The following MCM10 variants were observed in gnomAD, a reference collection of about 807,000 sequenced individuals.
MCM10 encodes protein MCM10 homolog.
Under a neutral mutation model 109.9 loss-of-function variants are expected in MCM10, and 91 were observed. That is an observed-to-expected ratio of 0.83 (90% CI 0.70 to 0.99). The LOEUF is 0.99. MCM10 is among the 50% of genes least tolerant of loss of function. The pLI, the probability that MCM10 is intolerant of heterozygous loss-of-function variation, is 0.00. For missense variants in MCM10, 1,077 were observed against 1,061.2 expected (o/e 1.01, Z -0.21); for synonymous variants, 380 against 387.2 (o/e 0.98, Z 0.22).
At chr10:13,175,939 G>A (rs1834136632) in intron 6 of MCM10, among the ~76,000 whole-genome samples, 1 of 152,182 alleles carries the variant, frequency 6.6e-6, no homozygotes, top group Admixed American at 6.5e-5. Flanking sequence ...ATGGACAAAT[G>A]ATAGTATATT....
chr10:13,203,143 C>T (rs3781079), intron 17 of MCM10, among the ~76,000 whole-genome samples: 3,864 of 152,254 alleles, frequency 0.025, 134 homozygotes, highest in African/African-American at 0.075. Flanking sequence ...CCATGCCTGG[C>T]CTCACAGTGT....
chr10:13,181,619 C>A (rs530051560), intron 7 of MCM10, among the ~76,000 whole-genome samples: 1 of 152,246 alleles, frequency 6.6e-6, no homozygotes, highest in Non-Finnish European at 1.5e-5. Flanking sequence ...AGCAAACCAT[C>A]ATGACACACG....
intron 2 of MCM10, among the ~76,000 whole-genome samples, chr10:13,170,413 A>G (rs1480473444): frequency 2.6e-5 from 4 of 152,078 alleles, no homozygotes; most frequent in Non-Finnish European, 5.9e-5. Flanking sequence ...AATTATATAC[A>G]TCTAAAGCCT....
intron 17 of MCM10, 95 bp downstream of exon 17, chr10:13,201,629 A>T: frequency 1.1e-6 from 1 of 889,292 alleles, no homozygotes; most frequent in South Asian, 1.5e-5. Flanking sequence ...CTGGGGCCCT[A>T]TCTCGTGATG....
intron 17 of MCM10, among the ~76,000 whole-genome samples, chr10:13,203,217 C>G (rs557831515): frequency 5.2e-4 from 79 of 152,200 alleles, no homozygotes; most frequent in African/African-American, 1.8e-3. Context: ...TAGCCAGGGC[C>G]AGGTTTCCTG....
intron 13 of MCM10, among the ~76,000 whole-genome samples, chr10:13,193,108 A>C (rs1834371071): frequency 6.6e-6 from 1 of 152,016 alleles, no homozygotes; most frequent in African/African-American, 2.4e-5. Flanking sequence ...GCTGGTCTCA[A>C]ATTCCTGGAC....
At chr10:13,183,649 T>C (rs1405823553) in intron 8 of MCM10, among the ~76,000 whole-genome samples, 1 of 152,064 alleles carries the variant, frequency 6.6e-6, no homozygotes, top group Non-Finnish European at 1.5e-5. Context: ...GTTCCTGGAG[T>C]TTTTGAACTA....
At chr10:13,183,217 G>T (rs1834232514) in intron 8 of MCM10, 117 bp downstream of exon 8, 2 of 1,182,094 alleles carry the variant, frequency 1.7e-6, no homozygotes, top group African/African-American at 3.0e-5. Flanking sequence ...ACACTTTGGG[G>T]AGGCCAAAGC....
intron 8 of MCM10, among the ~76,000 whole-genome samples, chr10:13,185,782 A>G (rs1834267108): frequency 6.6e-6 from 1 of 152,128 alleles, no homozygotes. Flanking sequence ...CTCCTTTTTG[A>G]GACGGCCTCA....
At position 13,172,734 on chromosome 10, in the gene MCM10, G is replaced by A; in HGVS notation, c.561G>A (p.Arg187=). The change falls in exon 5 of 20, where the codon AGG becomes AGA. Residue 187 remains arginine (R), a synonymous_variant. Coordinates refer to ENST00000378714, the MANE Select transcript of MCM10 (RefSeq NM_018518.5). This position sits in a 1 kb window ranked among gnomAD's most constrained non-coding sequence, Gnocchi z 5.2. The part of the protein sequence containing the change: ...LDVPALPRTK[R]VARTPKASPP... ...TCCCTGCGCTACCAAGAACCAAGAG[G>A]GTGGCTCGAACACCAAAGGCTTCAC... 2 of 1,614,116 alleles carry A rather than the reference G, an allele frequency of 1.2e-6. No homozygotes were observed. Among genetic ancestry groups the A allele is most frequent in the African/African-American group, 1.3e-5 (1 of 75,024 alleles).
intron 2 of MCM10, among the ~76,000 whole-genome samples, chr10:13,166,647 A>ATACATATAT: frequency 1.5e-5 from 1 of 66,646 alleles, no homozygotes; most frequent in African/African-American, 5.8e-5. Flanking sequence ...AAAAAAAAAA[A>ATACATATAT]AAATACATAC....
chr10:13,186,555 C>T (rs1261728719), intron 9 of MCM10, among the ~76,000 whole-genome samples: 3 of 152,138 alleles, frequency 2.0e-5, no homozygotes, highest in South Asian at 4.1e-4. Context: ...TCTTGTAATT[C>T]CACAGAGCAA....
In MCM10 at chr10:13,182,926, GT is replaced by G. The variant is rs1355022202; in HGVS notation, c.931-5del. 1 of 1,608,348 alleles carries G rather than the reference GT, an allele frequency of 6.2e-7. No individual in the cohort carries two copies. Among genetic ancestry groups the G allele is most frequent in the African/African-American group, 1.3e-5 (1 of 74,778 alleles). ...TCAAAATTATAAAAAATAACTATTTGTTCCAGGGAAAAACCTTCAGCATATG... is the reference window on the plus strand; with the variant it reads ...TCAAAATTATAAAAAATAACTATTTGTCCAGGGAAAAACCTTCAGCATATG... On this transcript the variant is annotated splice_polypyrimidine_tract_variant and splice_region_variant and intron_variant, in intron 7 of 19. Coordinates refer to ENST00000378714, the MANE Select transcript of MCM10 (RefSeq NM_018518.5). This position sits in a 1 kb window ranked among gnomAD's most constrained non-coding sequence, Gnocchi z 4.2.
intron 2 of MCM10, among the ~76,000 whole-genome samples, chr10:13,164,459 C>T (rs1175354417): frequency 6.6e-6 from 1 of 152,162 alleles, no homozygotes; most frequent in East Asian, 1.9e-4. Flanking sequence ...TACAGTGGGC[C>T]AGGCACTGCT....
At chr10:13,180,925 G>A (rs149498540) in intron 7 of MCM10, among the ~76,000 whole-genome samples, 2,702 of 152,286 alleles carry the variant, frequency 0.018, 91 homozygotes, top group African/African-American at 0.061. Context: ...GAGGAGAGGC[G>A]CAAGTAACCA....
Position 13,172,479 on chromosome 10 carries a change from T to C in MCM10, c.453T>C (p.Pro151=), listed in dbSNP as rs200180047. Reference sequence around the variant, plus strand: ...GCCCAGCCCGTCTGCAAAAATCCCCTGGTAAGAAGACTGTCATTCTGGCAA... The same window carrying C: ...GCCCAGCCCGTCTGCAAAAATCCCCCGGTAAGAAGACTGTCATTCTGGCAA... The part of the protein sequence containing the change: ...TASPARLQKS[P]EKSPRPPLKE... Residue 151 remains proline, a splice_region_variant and synonymous_variant, in exon 4 of 20, where the codon CCT becomes CCC. Transcript: ENST00000378714. This position sits in a 1 kb window ranked among gnomAD's most constrained non-coding sequence, Gnocchi z 5.2. 1 of 1,613,414 alleles carries C rather than the reference T, an allele frequency of 6.2e-7. No homozygotes were observed. The highest frequency in any genetic ancestry group is 1.3e-5 in the African/African-American group (1 of 75,038).
intron 16 of MCM10, among the ~76,000 whole-genome samples, chr10:13,201,079 A>T (rs1351911186): frequency 6.6e-6 from 1 of 152,208 alleles, no homozygotes; most frequent in African/African-American, 2.4e-5. Context: ...CAGGAGGTAG[A>T]GGTTGCAGTA....
intron 18 of MCM10, among the ~76,000 whole-genome samples, chr10:13,207,916 C>G (rs773925615): frequency 1.3e-5 from 2 of 152,054 alleles, no homozygotes; most frequent in Non-Finnish European, 2.9e-5. Flanking sequence ...AGCATCCCCA[C>G]CCCACCCCAA....
intron 2 of MCM10, among the ~76,000 whole-genome samples, chr10:13,166,368 G>A (rs1286330752): frequency 6.6e-6 from 1 of 152,050 alleles, no homozygotes; most frequent in Admixed American, 6.6e-5. Context: ...GGGCGCTGTG[G>A]CTCACGCCTG....
Sources: allele counts gnomAD v4.1 joint callset (sites outside exome capture counted in the v4.1 genomes callset), GRCh38; gene constraint gnomAD v4.1.1; non-coding constraint Gnocchi (gnomAD v3.1); transcripts MANE v1.5; gene names NCBI Gene and HGNC (gene_info 2026-07-23, HGNC 2026-07-21).